ACYP2: variants seen among roughly 807,000 people sequenced by gnomAD.
ACYP2 encodes acylphosphatase-2.
Under a neutral mutation model 11.2 loss-of-function variants are expected in ACYP2, and 12 were observed. The ratio of observed to expected loss-of-function variants is 1.08; its 90% confidence interval spans 0.69 to 1.74. The LOEUF (loss-of-function observed/expected upper bound fraction) is 1.74, where lower values mean the gene tolerates loss of function less well. ACYP2 is among the 40% of genes most tolerant of loss of function. ACYP2 has a pLI of 0.00. For synonymous variants in ACYP2, 43 were observed against 32.2 expected (o/e 1.33, Z -1.13); for missense variants, 134 against 101.9 (o/e 1.31, Z -1.35).
At chr2:54,169,989 T>C (rs762148568) in intron 6 of ACYP2, among the ~76,000 whole-genome samples, 22 of 152,218 alleles carry the variant, frequency 1.4e-4, no homozygotes, top group Non-Finnish European at 2.6e-4. Flanking sequence ...CCTATTATGA[T>C]AGATGAAGAT....
At chr2:54,169,266 G>A (rs1683130841) in intron 6 of ACYP2, among the ~76,000 whole-genome samples, 1 of 152,102 alleles carries the variant, frequency 6.6e-6, no homozygotes, top group African/African-American at 2.4e-5. Context: ...CTGGTGTGTT[G>A]TTCCTCTTTG....
At chr2:53,995,182 A>G (rs1672511641) in intron 2 of ACYP2, among the ~76,000 whole-genome samples, 1 of 152,190 alleles carries the variant, frequency 6.6e-6, no homozygotes, top group Non-Finnish European at 1.5e-5. Context: ...TGTCCTGCCC[A>G]TCTATCCCAT....
At chr2:54,150,714 G>C (rs1682117461) in intron 6 of ACYP2, among the ~76,000 whole-genome samples, 1 of 150,680 alleles carries the variant, frequency 6.6e-6, no homozygotes, top group Non-Finnish European at 1.5e-5. Context: ...GAGCCACGGC[G>C]CTTGGCTAGA....
intron 6 of ACYP2, among the ~76,000 whole-genome samples, chr2:54,279,831 A>G (rs1487408079): frequency 6.6e-6 from 1 of 152,138 alleles, no homozygotes; most frequent in African/African-American, 2.4e-5. Context: ...CCACTAGAAC[A>G]TGAGTGCACT....
chr2:54,119,905 A>C (rs1680046422), intron 4 of ACYP2, among the ~76,000 whole-genome samples: 1 of 152,140 alleles, frequency 6.6e-6, no homozygotes, highest in Non-Finnish European at 1.5e-5. Context: ...CTTGTTGTCG[A>C]TGACGTTGGC....
chr2:54,174,699 A>G (rs1683363546), intron 6 of ACYP2, among the ~76,000 whole-genome samples: 1 of 152,164 alleles, frequency 6.6e-6, no homozygotes, highest in Admixed American at 6.6e-5. Flanking sequence ...GATATTTTCC[A>G]TCAATACCTA....
chr2:54,255,006 CA>C, intron 6 of ACYP2: 1 of 1,614,108 alleles, frequency 6.2e-7, no homozygotes, highest in South Asian at 1.1e-5. Flanking sequence ...CTTCACCCAA[CA>C]GGTAGTACTG....
chr2:54,216,047 C>T (rs1457985511), intron 6 of ACYP2, among the ~76,000 whole-genome samples: 1 of 152,122 alleles, frequency 6.6e-6, no homozygotes, highest in South Asian at 2.1e-4. Flanking sequence ...ACACTAAAGA[C>T]TTTAGCCAAT....
Position 54,254,716 on chromosome 2 carries a change from A to C in ACYP2, c.405-49972A>C, listed in dbSNP as rs1344452649. ...CTGGGAGCATGTGATGTTAATGCAG[A>C]ATAGCAAGACGACCAGGTGAAAGGG... On this transcript the variant is annotated intron_variant, in intron 6 of 6. Coordinates refer to ENST00000607452, the MANE Select transcript of ACYP2 (RefSeq NM_001320586.2). 9 of 574,544 alleles carry C rather than the reference A, an allele frequency of 1.6e-5. No homozygotes were observed. The Admixed American group carries it at 2.8e-4, about 18-fold the overall frequency. 35.6% of individuals were successfully genotyped at this position (574,544 alleles called of 1,614,324 possible). A position where few individuals can be genotyped will look rare whatever the true frequency, so the allele number is the denominator to read the frequency against.
At chr2:54,117,908 T>G (rs970366609) in intron 4 of ACYP2, among the ~76,000 whole-genome samples, 2 of 152,202 alleles carry the variant, frequency 1.3e-5, no homozygotes, top group Non-Finnish European at 2.9e-5. Flanking sequence ...TAGCCTTTTG[T>G]CCCTCACCCC....
At chr2:54,247,703 T>C (rs920888250) in intron 6 of ACYP2, among the ~76,000 whole-genome samples, 28 of 152,350 alleles carry the variant, frequency 1.8e-4, no homozygotes, top group African/African-American at 6.0e-4. Flanking sequence ...AGAAAACTTA[T>C]ATGCAAATGG....
At chr2:54,018,320 G>A (rs1298943949) in intron 2 of ACYP2, among the ~76,000 whole-genome samples, 2 of 152,174 alleles carry the variant, frequency 1.3e-5, no homozygotes, top group Non-Finnish European at 1.5e-5. Context: ...TGATGTTGCT[G>A]ATTCAGGGAC....
intron 6 of ACYP2, among the ~76,000 whole-genome samples, chr2:54,158,708 A>G (rs1034224971): frequency 6.6e-6 from 1 of 152,230 alleles, no homozygotes; most frequent in African/African-American, 2.4e-5. Flanking sequence ...AAAATTATCA[A>G]GTGTTTTTCA....
rs1032933475 is a variant in ACYP2, at chr2:54,067,216, A to G, written c.277+9856A>G. On this transcript the variant is annotated intron_variant, in intron 4 of 6. Transcript: ENST00000607452. ...GTCTAAGTAAAATGTCTGTGTTCCT[A>G]TAAGCAGAGCAAGATCACCAACAAC... Among the ~76,000 whole-genome samples the G allele has an allele frequency of 3.9e-5, 6 of 152,218 alleles. 1 individual carries two copies. The highest frequency in any genetic ancestry group is 1.5e-5 in the Non-Finnish European group (1 of 68,024).
At chr2:54,150,878 A>C (rs1682132118) in intron 6 of ACYP2, among the ~76,000 whole-genome samples, 1 of 151,306 alleles carries the variant, frequency 6.6e-6, no homozygotes, top group African/African-American at 2.4e-5. Flanking sequence ...AGTAGCTGGG[A>C]CTACAGGCGC....
intron 6 of ACYP2, among the ~76,000 whole-genome samples, chr2:54,193,722 C>A (rs978665189): frequency 3.3e-5 from 5 of 152,136 alleles, no homozygotes; most frequent in Non-Finnish European, 7.3e-5. Context: ...CCTGGAATGA[C>A]TGACAGCTGT....
At chr2:54,301,496 G>C (rs1012287419) in intron 6 of ACYP2, among the ~76,000 whole-genome samples, 1 of 151,672 alleles carries the variant, frequency 6.6e-6, no homozygotes, top group African/African-American at 2.4e-5. Flanking sequence ...AAGTTACTGA[G>C]GAAAGGAATT....
chr2:54,051,864 G>A, intron 3 of ACYP2: 1 of 283,096 alleles, frequency 3.5e-6, no homozygotes. Flanking sequence ...GGCCAACATG[G>A]CAAAACCCTG....
At chr2:53,979,687 G>A (rs138163307) in intron 2 of ACYP2, among the ~76,000 whole-genome samples, 3 of 151,906 alleles carry the variant, frequency 2.0e-5, no homozygotes, top group Non-Finnish European at 4.4e-5. Flanking sequence ...GCAGTACAAT[G>A]TGTGTGTGTT....
Sources: allele counts gnomAD v4.1 joint callset (sites outside exome capture counted in the v4.1 genomes callset), GRCh38; gene constraint gnomAD v4.1.1; transcripts MANE v1.5; gene names NCBI Gene and HGNC (gene_info 2026-07-23, HGNC 2026-07-21).